ZDHHC7: variants seen among roughly 807,000 people sequenced by gnomAD.
ZDHHC7 encodes the protein zDHHC palmitoyltransferase 7, also known as palmitoyltransferase ZDHHC7.
ZDHHC7 carries 12 observed loss-of-function variants against 34.1 expected under a neutral mutation model. That is an observed-to-expected ratio of 0.35 (90% CI 0.23 to 0.57). The LOEUF (loss-of-function observed/expected upper bound fraction) is 0.57. ZDHHC7 is among the 20% of genes least tolerant of loss of function. The pLI is 0.84. For synonymous variants in ZDHHC7, 185 were observed against 155.4 expected, an observed-to-expected ratio of 1.19 and a Z score of -1.42; for missense variants, 388 against 402.7, an observed-to-expected ratio of 0.96 and a Z score of 0.31.
At position 84,975,584 on chromosome 16, in the gene ZDHHC7, T is replaced by C. The variant is rs1476299198; in HGVS notation, c.*759A>G. The C allele has an allele frequency of 2.6e-5, 4 of 152,670 alleles. No individual in the cohort carries two copies. Among genetic ancestry groups the C allele is most frequent in the Admixed American group, 2.0e-4 (3 of 15,288 alleles). The allele number at this position is 152,670 out of a possible 1,614,324, so 9.5% of individuals were successfully genotyped here. ...ATGTCCTCCAACAGCAATACATTCA[T>C]AGTAACCACGGGCAGGACCCCGCGG... On this transcript the variant is annotated 3_prime_UTR_variant, in exon 8 of 8. Coordinates refer to ENST00000313732, the MANE Select transcript of ZDHHC7 (RefSeq NM_017740.3).
At chr16:85,021,204 G>A in the ZDHHC7 span, among the ~76,000 whole-genome samples, 23 of 152,090 alleles carry the variant, frequency 1.5e-4, no homozygotes, top group African/African-American at 5.3e-4. Flanking sequence ...ACAAGGTCAA[G>A]AGATGGAGAC....
intron 1 of ZDHHC7, among the ~76,000 whole-genome samples, chr16:85,003,929 T>C (rs766486164): frequency 3.9e-4 from 59 of 152,110 alleles, no homozygotes; most frequent in Admixed American, 2.0e-3. Context: ...CCTCCACCCA[T>C]GTAAACGCCG....
intron 2 of ZDHHC7, among the ~76,000 whole-genome samples, chr16:84,993,185 G>T (rs1412908371): frequency 6.6e-6 from 1 of 151,882 alleles, no homozygotes; most frequent in African/African-American, 2.4e-5. Context: ...ACCAGGCATG[G>T]TGGCTTGCGC....
chr16:84,974,955 G>T lies in ZDHHC7; in HGVS notation c.*1388C>A. On this transcript the variant is annotated 3_prime_UTR_variant, in exon 8 of 8. Transcript: ENST00000313732. ...GAACAGAAAGGCAAAACAATTCCCA[G>T]GAGGGAGACGCCAACTTCTCTTAGT... 1 of 152,808 alleles carries T rather than the reference G, an allele frequency of 6.5e-6. No individual in the cohort carries two copies. The allele number at this position is 152,808 out of a possible 1,614,324, so 9.5% of individuals were successfully genotyped here. A position where few individuals can be genotyped will look rare whatever the true frequency, so the allele number is the denominator to read the frequency against.
chr16:84,992,340 G>A (rs1003190702), intron 2 of ZDHHC7, among the ~76,000 whole-genome samples: 11 of 150,732 alleles, frequency 7.3e-5, no homozygotes, highest in Admixed American at 6.6e-5. Flanking sequence ...AGTGGCAGGC[G>A]CCTGTACCTG....
the ZDHHC7 span, among the ~76,000 whole-genome samples, chr16:85,024,108 A>G: frequency 6.8e-6 from 1 of 147,888 alleles, no homozygotes; most frequent in African/African-American, 2.5e-5. Context: ...AGTAGAGATG[A>G]GGTTTCACCA....
At chr16:85,023,198 G>A in the ZDHHC7 span, among the ~76,000 whole-genome samples, 6 of 142,890 alleles carry the variant, frequency 4.2e-5, no homozygotes, top group African/African-American at 7.9e-5. Flanking sequence ...ACGAAGTATC[G>A]CTCTGTCGCC....
intron 4 of ZDHHC7, among the ~76,000 whole-genome samples, chr16:84,980,732 T>C (rs997644920): frequency 6.6e-6 from 1 of 152,188 alleles, no homozygotes; most frequent in African/African-American, 2.4e-5. Context: ...AATTCAATGA[T>C]TTTTATTCTA....
chr16:84,997,712 G>A (rs550272387), intron 1 of ZDHHC7, among the ~76,000 whole-genome samples: 3 of 148,416 alleles, frequency 2.0e-5, no homozygotes, highest in Admixed American at 6.7e-5. Flanking sequence ...GGCTAAAACA[G>A]TGAAACCCCG....
At chr16:85,006,053 C>T (rs1368494517) in intron 1 of ZDHHC7, among the ~76,000 whole-genome samples, 3 of 152,188 alleles carry the variant, frequency 2.0e-5, no homozygotes, top group African/African-American at 7.2e-5. Context: ...CACATGGCTG[C>T]AGGAATCACC....
chr16:84,987,732 AG>A (rs1885758804), intron 3 of ZDHHC7, among the ~76,000 whole-genome samples: 1 of 152,254 alleles, frequency 6.6e-6, no homozygotes, highest in Non-Finnish European at 1.5e-5. Flanking sequence ...ATAGGTGAGA[AG>A]GGTCCGGCCA....
chr16:84,977,334 G>T (rs1260292101), intron 6 of ZDHHC7, 109 bp from the exon 7 acceptor site: 2 of 1,431,796 alleles, frequency 1.4e-6, no homozygotes, highest in African/African-American at 1.4e-5. Context: ...GCTTCCAGGG[G>T]GAAGTTGTTC....
chr16:85,024,860 C>A, the ZDHHC7 span, among the ~76,000 whole-genome samples: 3 of 152,222 alleles, frequency 2.0e-5, no homozygotes, highest in Non-Finnish European at 4.4e-5. Flanking sequence ...GTGCATCAGT[C>A]CATTCAGAAC....
At chr16:85,002,151 A>G (rs991689230) in intron 1 of ZDHHC7, among the ~76,000 whole-genome samples, 4 of 152,212 alleles carry the variant, frequency 2.6e-5, no homozygotes, top group Admixed American at 2.6e-4. Flanking sequence ...ACTGATATAA[A>G]GCAGTGGCTG....
At chr16:84,999,377 G>A (rs1317073279) in intron 1 of ZDHHC7, among the ~76,000 whole-genome samples, 1 of 152,022 alleles carries the variant, frequency 6.6e-6, no homozygotes, top group Non-Finnish European at 1.5e-5. Context: ...ATTTACCCAA[G>A]AAAAATAAAT....
At chr16:84,990,687 A>G (rs1051423434) in intron 2 of ZDHHC7, 52 bp from the exon 3 acceptor site, 1 of 1,466,180 alleles carries the variant, frequency 6.8e-7, no homozygotes, top group African/African-American at 1.4e-5. Flanking sequence ...CTCACAAGCT[A>G]CCTTAAATAT....
In ZDHHC7 at chr16:84,976,184, A is replaced by G. The variant is rs1395839830; in HGVS notation, c.*159T>C. Reference sequence around the variant, plus strand: ...GGGACTGAGAGCCTCTTCCTCTGCCATCTGTGACTATAAATATATAAAACT... The same window carrying G: ...GGGACTGAGAGCCTCTTCCTCTGCCGTCTGTGACTATAAATATATAAAACT... On this transcript the variant is annotated 3_prime_UTR_variant, in exon 8 of 8. Transcript: ENST00000313732. 6.5e-6 allele frequency: 6 copies of G among 917,310 alleles called. 1 individual carries two copies. Among genetic ancestry groups the G allele is most frequent in the African/African-American group, 5.1e-5 (3 of 59,100 alleles). The allele number at this position is 917,310 out of a possible 1,614,324, so 56.8% of individuals were successfully genotyped here. A position where few individuals can be genotyped will look rare whatever the true frequency, so the allele number is the denominator to read the frequency against.
At chr16:85,010,176 T>C (rs74758820) in intron 1 of ZDHHC7, among the ~76,000 whole-genome samples, 25,639 of 151,182 alleles carry the variant, frequency 0.17, 2,955 homozygotes, top group African/African-American at 0.31. Flanking sequence ...TGTACCACCA[T>C]ATCCGGCTAA....
the ZDHHC7 span, among the ~76,000 whole-genome samples, chr16:85,019,379 G>A: frequency 6.0e-4 from 91 of 152,282 alleles, no homozygotes; most frequent in South Asian, 2.5e-3. Flanking sequence ...AATAGCCACT[G>A]CATGCCAGCC....
Sources: allele counts gnomAD v4.1 joint callset (sites outside exome capture counted in the v4.1 genomes callset), GRCh38; gene constraint gnomAD v4.1.1; transcripts MANE v1.5; gene names NCBI Gene and HGNC (gene_info 2026-07-23, HGNC 2026-07-21).